ARSH: variants seen among roughly 807,000 people sequenced by gnomAD.
The protein encoded by ARSH is arylsulfatase family member H.
ARSH carries 32 observed loss-of-function variants against 28.7 expected under a neutral mutation model. The observed-to-expected ratio is 1.11, with a 90% CI of 0.84 to 1.50. The LOEUF is 1.50. Among genes scored for constraint, ARSH ranks in the 40% most tolerant of loss-of-function variants. The pLI is 0.00. For synonymous variants in ARSH, 176 were observed against 177.3 expected (o/e 0.99, Z 0.06); for missense variants, 440 against 452.4 (o/e 0.97, Z 0.25).
chrX:3,011,193 C>CA (rs201810458), intron 2 of ARSH, among the ~76,000 whole-genome samples: 1,357 of 107,120 alleles, frequency 0.013, 24 homozygotes, highest in African/African-American at 0.043. Flanking sequence ...TATGAGTTTC[C>CA]AAAAAAAACT....
At chrX:3,026,104 C>T (rs758774327) in intron 6 of ARSH, among the ~76,000 whole-genome samples, 6 of 110,859 alleles carry the variant, frequency 5.4e-5, no homozygotes, top group Non-Finnish European at 1.1e-4. Context: ...AAGAAAACAT[C>T]AGGATGGCTT....
rs1238727106 is a variant in ARSH at position 3,034,092 on chromosome X, A to G, written c.*707A>G. Among the ~76,000 whole-genome samples the G allele has an allele frequency of 8.9e-6, 1 of 112,278 alleles. No homozygotes were observed. Among genetic ancestry groups the G allele is most frequent in the Admixed American group, 9.6e-5 (1 of 10,455 alleles). ...TTGCCTTGTGTAGAATAAGCAGTCAATAAATGTTATTATTACAAATGTTGT... is the reference window on the plus strand; with the variant it reads ...TTGCCTTGTGTAGAATAAGCAGTCAGTAAATGTTATTATTACAAATGTTGT... On this transcript the variant is annotated 3_prime_UTR_variant, in exon 9 of 9. Transcript: ENST00000381130.
intron 6 of ARSH, among the ~76,000 whole-genome samples, chrX:3,026,815 A>T (rs1052200984): frequency 9.0e-5 from 10 of 110,572 alleles, no homozygotes; most frequent in Non-Finnish European, 1.9e-5. Flanking sequence ...GATCATTATA[A>T]TGTGGATAAA....
chrX:3,018,767 T>C (rs1404466565), intron 5 of ARSH, 97 bp downstream of exon 5: 1 of 917,664 alleles, frequency 1.1e-6, no homozygotes, highest in African/African-American at 2.0e-5. Context: ...GCCCCTTGCA[T>C]AGCATAGATA....
intron 1 of ARSH, among the ~76,000 whole-genome samples, chrX:3,009,582 G>C (rs1422238174): frequency 9.0e-6 from 1 of 110,995 alleles, no homozygotes; most frequent in African/African-American, 3.3e-5. Context: ...CTTGAGCCCA[G>C]GGAATTTAAG....
At position 3,033,046 on chromosome X, in the gene ARSH, G is replaced by C; in HGVS notation, c.1350G>C (p.Val450=). 8.3e-7 allele frequency: 1 copy of C among 1,210,317 alleles called. No individual in the cohort carries two copies. The highest frequency in any genetic ancestry group is 1.1e-6 in the Non-Finnish European group (1 of 894,770). ...CAACTGTGTGGAAAGCTCATTATGTGACTCCTAAATTCTACCCTGAAGGAA... is the reference window on the plus strand; with the variant it reads ...CAACTGTGTGGAAAGCTCATTATGTCACTCCTAAATTCTACCCTGAAGGAA... ...DCATVWKAHY[V]TPKFYPEGTG... The change falls in exon 9 of 9, where the codon GTG becomes GTC. Residue 450 remains valine, a synonymous_variant. Transcript: ENST00000381130.
intron 2 of ARSH, among the ~76,000 whole-genome samples, chrX:3,011,992 G>T (rs1231236998): frequency 9.0e-6 from 1 of 111,215 alleles, no homozygotes; most frequent in Non-Finnish European, 1.9e-5. Context: ...ACAGGTGCCT[G>T]CCACCAAGCC....
chrX:3,016,658 ACCT>A (rs745515003), intron 4 of ARSH, among the ~76,000 whole-genome samples: 198 of 110,913 alleles, frequency 1.8e-3, no homozygotes, highest in Admixed American at 5.0e-3. Flanking sequence ...GTTCACTGAA[ACCT>A]CAAACTCCTG....
At chrX:3,028,462 G>A (rs1282064414) in intron 7 of ARSH, among the ~76,000 whole-genome samples, 1 of 109,643 alleles carries the variant, frequency 9.1e-6, no homozygotes, top group Non-Finnish European at 1.9e-5. Context: ...ACCCACCTCG[G>A]CCTCCCAAAG....
Position 3,028,845 on chromosome X carries a change from C to T in ARSH, c.1200-402C>T, listed in dbSNP as rs367749958. 3.1e-4 allele frequency among the ~76,000 whole-genome samples: 34 copies of T among 110,218 alleles called. No homozygotes were observed. The East Asian group carries it at 7.3e-3, about 24-fold the overall frequency. ...CTGTAATCCTAGCACTTTGGGAGGC[C>T]GAGGCAGGCGGATCATGAGGTCAGG... On this transcript the variant is annotated intron_variant, in intron 7 of 8. Coordinates refer to ENST00000381130, the MANE Select transcript of ARSH (RefSeq NM_001011719.2).
Position 3,033,624 on chromosome X carries a change from C to A in ARSH, c.*239C>A. On this transcript the variant is annotated 3_prime_UTR_variant, in exon 9 of 9. Coordinates refer to ENST00000381130, the MANE Select transcript of ARSH (RefSeq NM_001011719.2). ...TTTCTAGTATATAATTGTGCCATTG[C>A]CCAAGGAAAAGAGCAAATCAAGGTG... is the stretch of plus-strand genomic sequence containing the variant. 1 of 250,878 alleles carries A rather than the reference C, an allele frequency of 4.0e-6. No individual in the cohort carries two copies. The allele number at this position is 250,878 out of a possible 1,213,427, so 20.7% of individuals were successfully genotyped here.
intron 1 of ARSH, 43 bp downstream of exon 1, chrX:3,006,747 C>T (rs2089828668): frequency 9.6e-7 from 1 of 1,046,448 alleles, no homozygotes; most frequent in African/African-American, 1.8e-5. Context: ...TGGGAGTCTC[C>T]CTTACCACAG....
At chrX:3,031,644 A>T (rs2089914116) in intron 8 of ARSH, among the ~76,000 whole-genome samples, 1 of 111,821 alleles carries the variant, frequency 8.9e-6, no homozygotes, top group African/African-American at 3.2e-5. Flanking sequence ...AAATAAGTAA[A>T]TAAAAATCTA....
chrX:3,030,702 T>G (rs1240058969), intron 8 of ARSH, among the ~76,000 whole-genome samples: 3 of 111,773 alleles, frequency 2.7e-5, no homozygotes, highest in Non-Finnish European at 3.8e-5. Flanking sequence ...CCATATTCAA[T>G]TATCTCCACT....
rs146403199 is a variant in ARSH at position 3,033,424 on chromosome X, G to A, written c.*39G>A. The A allele has an allele frequency of 6.9e-5, 79 of 1,151,100 alleles. 1 individual carries two copies. The East Asian group carries it at 1.3e-3, about 19-fold the overall frequency. 94.9% of individuals were successfully genotyped at this position (1,151,100 alleles called of 1,213,427 possible). ...ACGTGTTACCCACCACAAACTTACT[G>A]TTACAATGGTCATAGGAGCAGAGCT... On this transcript the variant is annotated 3_prime_UTR_variant, in exon 9 of 9. Coordinates refer to ENST00000381130, the MANE Select transcript of ARSH (RefSeq NM_001011719.2).
At chrX:3,018,834 C>T (rs1352979520) in intron 5 of ARSH, among the ~76,000 whole-genome samples, 164 bp downstream of exon 5, 1 of 112,002 alleles carries the variant, frequency 8.9e-6, no homozygotes, top group Non-Finnish European at 1.9e-5. Context: ...TTTAATTGTT[C>T]AGCAATACCA....
In ARSH at chrX:3,021,518, C is replaced by T. The variant is rs1254507407; in HGVS notation, c.902-2503C>T. ...CTGTGGGTATTATTTTACTATTTAACAATATGAGTATAAAACTCAAAGGTT... is the reference window on the plus strand; with the variant it reads ...CTGTGGGTATTATTTTACTATTTAATAATATGAGTATAAAACTCAAAGGTT... On this transcript the variant is annotated intron_variant, in intron 5 of 8. Coordinates refer to ENST00000381130, the MANE Select transcript of ARSH (RefSeq NM_001011719.2). 4.5e-5 allele frequency among the ~76,000 whole-genome samples: 5 copies of T among 110,985 alleles called. No individual in the cohort carries two copies. The Admixed American group carries it at 4.8e-4, about 11-fold the overall frequency.
intron 2 of ARSH, among the ~76,000 whole-genome samples, chrX:3,011,229 A>AT (rs1431731769): frequency 9.1e-5 from 9 of 98,723 alleles, no homozygotes; most frequent in African/African-American, 1.8e-4. Flanking sequence ...GGATTTCAGG[A>AT]TTTTTTCTTT....
chrX:3,012,302 C>T (rs1448344327), intron 2 of ARSH, among the ~76,000 whole-genome samples: 3 of 106,045 alleles, frequency 2.8e-5, no homozygotes, highest in Non-Finnish European at 5.8e-5. Context: ...CTTTGGGAGG[C>T]TGAGGTGGGT....
Sources: allele counts gnomAD v4.1 joint callset (sites outside exome capture counted in the v4.1 genomes callset), GRCh38; gene constraint gnomAD v4.1.1; transcripts MANE v1.5; gene names NCBI Gene and HGNC (gene_info 2026-07-23, HGNC 2026-07-21).